Variants in CNTNAP2 observed in about 807,000 individuals in gnomAD.
The protein encoded by CNTNAP2 is contactin associated protein 2.
Under a neutral mutation model 155.2 loss-of-function variants are expected in CNTNAP2, and 98 were observed. The ratio of observed to expected loss-of-function variants is 0.63; its 90% confidence interval spans 0.54 to 0.75. The LOEUF (loss-of-function observed/expected upper bound fraction) is 0.75. CNTNAP2 is among the 30% of genes least tolerant of loss of function. The pLI, the probability that CNTNAP2 is intolerant of heterozygous loss-of-function variation, is 0.00. For synonymous variants in CNTNAP2, 651 were observed against 631.2 expected (o/e 1.03, Z -0.47); for missense variants, 1,727 against 1,688.1 (o/e 1.02, Z -0.40).
intron 3 of CNTNAP2, among the ~76,000 whole-genome samples, chr7:146,903,774 T>G (rs959271573): frequency 1.3e-5 from 2 of 152,148 alleles, no homozygotes; most frequent in African/African-American, 4.8e-5. Flanking sequence ...TCAGCTAGAC[T>G]GGGGGAATAG....
At chr7:147,148,484 C>T (rs935445827) in intron 8 of CNTNAP2, among the ~76,000 whole-genome samples, 1 of 151,036 alleles carries the variant, frequency 6.6e-6, no homozygotes, top group African/African-American at 2.4e-5. Context: ...ACCTAAAATA[C>T]AGAAGTCCTA....
intron 1 of CNTNAP2, among the ~76,000 whole-genome samples, chr7:146,369,465 A>G (rs996930057): frequency 1.2e-4 from 19 of 152,178 alleles, no homozygotes; most frequent in African/African-American, 4.6e-4. Flanking sequence ...TGATACGGGC[A>G]TTCTTTATTT....
intron 1 of CNTNAP2, among the ~76,000 whole-genome samples, chr7:146,289,350 CAG>C (rs1380503503): frequency 2.0e-5 from 3 of 152,144 alleles, no homozygotes; most frequent in Non-Finnish European, 4.4e-5. Flanking sequence ...ATGTAGAATG[CAG>C]AGAGTTGCAT....
chr7:147,927,819 A>G (rs1437046213), intron 14 of CNTNAP2, among the ~76,000 whole-genome samples: 1 of 152,208 alleles, frequency 6.6e-6, no homozygotes, highest in Non-Finnish European at 1.5e-5. Context: ...CCTTAAAAGG[A>G]AATTAGTGCA....
At chr7:147,550,047 A>G (rs12666634) in intron 11 of CNTNAP2, among the ~76,000 whole-genome samples, 21,746 of 152,208 alleles carry the variant, frequency 0.14, 1,796 homozygotes, top group East Asian at 0.36. Flanking sequence ...GCACTATATA[A>G]TGAGAAATGA....
chr7:146,356,668 C>G (rs533420711), intron 1 of CNTNAP2, among the ~76,000 whole-genome samples: 1 of 152,202 alleles, frequency 6.6e-6, no homozygotes, highest in Admixed American at 6.5e-5. Flanking sequence ...TTTGTTTTAT[C>G]ATGTTATTCA....
chr7:146,797,606 G>A (rs968359049), intron 2 of CNTNAP2, among the ~76,000 whole-genome samples: 1 of 152,150 alleles, frequency 6.6e-6, no homozygotes, highest in Admixed American at 6.5e-5. Context: ...AGAAGAAAAA[G>A]AAAGCAGATT....
chr7:146,872,165 T>A (rs1286400487), intron 3 of CNTNAP2, among the ~76,000 whole-genome samples: 2 of 68,608 alleles, frequency 2.9e-5, no homozygotes, highest in Admixed American at 1.4e-4. Flanking sequence ...TTATTGAATT[T>A]TTTTTTTTTT....
intron 1 of CNTNAP2, among the ~76,000 whole-genome samples, chr7:146,618,347 A>G (rs773312565): frequency 5.3e-5 from 8 of 152,192 alleles, no homozygotes; most frequent in Non-Finnish European, 1.0e-4. Flanking sequence ...AGTTAAGTTG[A>G]GACTCATTAA....
chr7:146,842,907 C>CA (rs756058818), intron 3 of CNTNAP2, among the ~76,000 whole-genome samples: 2 of 147,208 alleles, frequency 1.4e-5, no homozygotes, highest in Non-Finnish European at 3.0e-5. Context: ...GGATGGTCTC[C>CA]ATCTCCTGAC....
At chr7:146,709,599 A>G (rs2533095) in intron 1 of CNTNAP2, among the ~76,000 whole-genome samples, 36,459 of 152,166 alleles carry the variant, frequency 0.24, 10,323 homozygotes, top group African/African-American at 0.69. Context: ...AGGCATAAGC[A>G]GAAAGGAGAA....
intron 1 of CNTNAP2, among the ~76,000 whole-genome samples, chr7:146,183,876 G>A (rs966532779): frequency 3.3e-5 from 5 of 152,082 alleles, no homozygotes; most frequent in Middle Eastern, 3.4e-3. Flanking sequence ...CCATTACCTC[G>A]AGGAATCTCT....
intron 13 of CNTNAP2, among the ~76,000 whole-genome samples, chr7:147,824,774 GA>G (rs2116626584): frequency 6.6e-6 from 1 of 152,064 alleles, no homozygotes; most frequent in East Asian, 1.9e-4. Context: ...CGATATTTAA[GA>G]AGTAAGAGAA....
chr7:147,443,946 C>G (rs893796966), intron 10 of CNTNAP2, among the ~76,000 whole-genome samples: 2 of 152,172 alleles, frequency 1.3e-5, no homozygotes, highest in Non-Finnish European at 2.9e-5. Flanking sequence ...GCTACTGATT[C>G]CTGAGTTTGG....
At chr7:147,982,449 A>G (rs192444030) in intron 15 of CNTNAP2, among the ~76,000 whole-genome samples, 1 of 152,334 alleles carries the variant, frequency 6.6e-6, no homozygotes, top group Non-Finnish European at 1.5e-5. Flanking sequence ...TGCAGGATTA[A>G]GATGCAAATT....
chr7:146,932,317 C>A (rs1225047826), intron 3 of CNTNAP2, among the ~76,000 whole-genome samples: 1 of 151,400 alleles, frequency 6.6e-6, no homozygotes, highest in Non-Finnish European at 1.5e-5. Flanking sequence ...AGCATATAAA[C>A]AGAACCAAAG....
At chr7:146,965,896 T>C (rs1027752415) in intron 3 of CNTNAP2, among the ~76,000 whole-genome samples, 4 of 152,182 alleles carry the variant, frequency 2.6e-5, no homozygotes, top group African/African-American at 9.7e-5. Flanking sequence ...TACGCTAGAC[T>C]AGCAAGAACT....
intron 20 of CNTNAP2, among the ~76,000 whole-genome samples, chr7:148,259,667 C>A (rs1456760353): frequency 6.6e-6 from 1 of 152,198 alleles, no homozygotes; most frequent in Non-Finnish European, 1.5e-5. Flanking sequence ...TTTAGCTTCT[C>A]CACTGCATCC....
chr7:147,590,706 G>A (rs1292379273), intron 12 of CNTNAP2, among the ~76,000 whole-genome samples: 1 of 152,140 alleles, frequency 6.6e-6, no homozygotes, highest in Non-Finnish European at 1.5e-5. Context: ...GCAGAACATA[G>A]ACAAATGTAT....
Sources: allele counts gnomAD v4.1 joint callset (sites outside exome capture counted in the v4.1 genomes callset), GRCh38; gene constraint gnomAD v4.1.1; transcripts MANE v1.5; gene names NCBI Gene and HGNC (gene_info 2026-07-23, HGNC 2026-07-21).